CATIP: variants seen among roughly 807,000 people sequenced by gnomAD.
CATIP encodes the protein ciliogenesis associated TTC17 interacting protein.
In CATIP, 40 loss-of-function variants were observed where a neutral mutation model predicts 42.5. The ratio of observed to expected loss-of-function variants is 0.94; its 90% CI spans 0.73 to 1.22. The LOEUF is 1.22. Among genes scored for constraint, CATIP ranks in the 50% most tolerant of loss-of-function variants. The pLI, the probability that CATIP is intolerant of heterozygous loss-of-function variation, is 0.00. For synonymous variants in CATIP, 222 were observed against 200.2 expected (o/e 1.11, Z -0.92); for missense variants, 489 against 496.0 (o/e 0.99, Z 0.13).
Position 218,367,064 on chromosome 2 carries a change from T to C in CATIP, c.796T>C (p.Cys266Arg). 1.2e-6 allele frequency: 2 copies of C among 1,613,854 alleles called. No homozygotes were observed. Among genetic ancestry groups the C allele is most frequent in the Non-Finnish European group, 1.7e-6 (2 of 1,179,790 alleles). ...AATACAGGTGGGCTCCCCAGGGTGC[T>C]GCATCATCACCAAGATGCCCATCTT... ...KRIQVGSPGC[C>R]IITKMPILRE... Residue 266 changes from cysteine to arginine, a missense_variant, in exon 8 of 10, where the codon TGC becomes CGC. By Grantham distance (180) the Cys-to-Arg change is radical. Coordinates refer to ENST00000289388, the MANE Select transcript of CATIP (RefSeq NM_198559.2).
At position 218,367,038 on chromosome 2, in the gene CATIP, G is replaced by A. The variant is rs1207478308; in HGVS notation, c.770G>A (p.Arg257Lys). 6.2e-7 allele frequency: 1 copy of A among 1,613,856 alleles called. No individual in the cohort carries two copies. ...TTGCACTCCAGGCACCTGGCCAAGA[G>A]AATACAGGTGGGCTCCCCAGGGTGC... ...YLLSDGHLAK[R>K]IQVGSPGCCI... Residue 257 changes from arginine to lysine, a missense_variant, in exon 8 of 10, where the codon AGA becomes AAA. Physicochemically the swap from Arg to Lys is conservative, Grantham distance 26. Transcript: ENST00000289388.
intron 6 of CATIP, among the ~76,000 whole-genome samples, chr2:218,363,365 A>T (rs955861122): frequency 1.3e-5 from 2 of 151,468 alleles, no homozygotes; most frequent in Non-Finnish European, 2.9e-5. Flanking sequence ...AGGCGCCTGT[A>T]GTCCCAGCTA....
chr2:218,367,246 C>T (rs1056898320), intron 8 of CATIP, 146 bp downstream of exon 8: 1 of 770,426 alleles, frequency 1.3e-6, no homozygotes, highest in Non-Finnish European at 2.1e-6. Context: ...GCCCTCCAGC[C>T]CCTGACCCCA....
At chr2:218,363,862 T>C (rs1043963265) in intron 6 of CATIP, among the ~76,000 whole-genome samples, 2 of 152,216 alleles carry the variant, frequency 1.3e-5, no homozygotes, top group Non-Finnish European at 2.9e-5. Context: ...AAGTGTAACA[T>C]GTCCAACTTT....
rs137894462 is a variant in CATIP at position 218,357,703 on chromosome 2, G to A, written c.288G>A (p.Leu96=). Reference sequence around the variant, plus strand: ...TGCATGCCTCTAGCCGAGGCTTCTTGGACAAAATGCTCTGCGGAAATTCCC... The same window carrying A: ...TGCATGCCTCTAGCCGAGGCTTCTTAGACAAAATGCTCTGCGGAAATTCCC... ...LFVHASSRGF[L]DKMLCGNSLL... The change falls in exon 3 of 10, where the codon TTG becomes TTA. Residue 96 remains leucine, a synonymous_variant. Coordinates refer to ENST00000289388, the MANE Select transcript of CATIP (RefSeq NM_198559.2). The A allele has an allele frequency of 3.6e-5, 58 of 1,613,824 alleles. No homozygotes were observed. The African/African-American group carries it at 6.1e-4, about 17-fold the overall frequency.
At chr2:218,361,315 A>G (rs544831885) in intron 5 of CATIP, among the ~76,000 whole-genome samples, 7 of 151,802 alleles carry the variant, frequency 4.6e-5, no homozygotes, top group Non-Finnish European at 7.4e-5. Flanking sequence ...TGGAGCTTGC[A>G]CTAAGCTGAG....
intron 6 of CATIP, among the ~76,000 whole-genome samples, chr2:218,363,689 C>T (rs1174140431): frequency 6.6e-6 from 1 of 151,736 alleles, no homozygotes; most frequent in African/African-American, 2.4e-5. Context: ...GCCTGTAATC[C>T]CAGCTACTCG....
At chr2:218,361,874 G>A (rs990147498) in intron 5 of CATIP, among the ~76,000 whole-genome samples, 2 of 152,148 alleles carry the variant, frequency 1.3e-5, no homozygotes, top group African/African-American at 4.8e-5. Context: ...CAGGAGTCCA[G>A]ACTAACGATT....
Position 218,367,526 on chromosome 2 carries a change from G to A in CATIP, c.921+8G>A, listed in dbSNP as rs952677768. The A allele has an allele frequency of 9.3e-6, 15 of 1,613,808 alleles. No individual in the cohort carries two copies. The highest frequency in any genetic ancestry group is 1.3e-5 in the Non-Finnish European group (15 of 1,179,794). On this transcript the variant is annotated splice_region_variant and intron_variant, in intron 9 of 9. Coordinates refer to ENST00000289388, the MANE Select transcript of CATIP (RefSeq NM_198559.2). ...AAGTTCCTGGACCGGAAGGTGAGGGGAGGCTCCACCAGCCTGGGGTTCCCA... is the reference window on the plus strand; with the variant it reads ...AAGTTCCTGGACCGGAAGGTGAGGGAAGGCTCCACCAGCCTGGGGTTCCCA...
In CATIP at chr2:218,367,315, G is replaced by A. The variant is rs1574746585; in HGVS notation, c.833-115G>A. ...CCCTTCCTGCAACTCTGCCCATGTG[G>A]GCAGAATCCTGGGGTTTCACCTGAG... On this transcript the variant is annotated intron_variant, in intron 8 of 9. Coordinates refer to ENST00000289388, the MANE Select transcript of CATIP (RefSeq NM_198559.2). 2.9e-6 allele frequency: 3 copies of A among 1,023,884 alleles called. No homozygotes were observed. In the East Asian group the frequency reaches 7.1e-5, roughly 24 times the overall value. 63.4% of individuals were successfully genotyped at this position (1,023,884 alleles called of 1,614,324 possible). A position where few individuals can be genotyped will look rare whatever the true frequency, so the allele number is the denominator to read the frequency against.
chr2:218,357,826 C>T, intron 3 of CATIP, 92 bp downstream of exon 3: 2 of 1,417,252 alleles, frequency 1.4e-6, no homozygotes, highest in Non-Finnish European at 2.0e-6. Flanking sequence ...GGACCAAGCC[C>T]TTGGCTTTGC....
In CATIP at chr2:218,362,888, T is replaced by A; in HGVS notation, c.616T>A (p.Cys206Ser). ...FLTLDTEGKL[C>S]YLTYQNLGFQ... The stretch of plus-strand genomic sequence containing the variant: ...GACCTTGGACACCGAGGGCAAACTC[T>A]GCTATTTGACCTATGTAAGGGGTCC... Residue 206 changes from cysteine (C) to serine (S), a missense_variant, in exon 6 of 10, where the codon TGC becomes AGC. Transcript: ENST00000289388. 6.2e-7 allele frequency: 1 copy of A among 1,613,404 alleles called. No individual in the cohort carries two copies. The highest frequency in any genetic ancestry group is 8.5e-7 in the Non-Finnish European group (1 of 1,179,798).
At chr2:218,360,076 T>A (rs945141170) in intron 4 of CATIP, among the ~76,000 whole-genome samples, 1 of 152,136 alleles carries the variant, frequency 6.6e-6, no homozygotes, top group Non-Finnish European at 1.5e-5. Flanking sequence ...TCTGCCCGCC[T>A]GGGCCTCCCA....
At position 218,367,834 on chromosome 2, in the gene CATIP, C is replaced by T. The variant is rs1249158998; in HGVS notation, c.1034C>T (p.Thr345Ile). 11 of 1,613,036 alleles carry T rather than the reference C, an allele frequency of 6.8e-6. No homozygotes were observed. The highest frequency in any genetic ancestry group is 9.3e-6 in the Non-Finnish European group (11 of 1,179,892). ...LLLRQPEDVVTFAAEFFGPFD... is the reference protein window; with the variant it reads ...LLLRQPEDVVIFAAEFFGPFD... ...CTGCGCCAGCCGGAGGACGTGGTCACCTTCGCCGCCGAGTTCTTCGGCCCC... is the reference window on the plus strand; with the variant it reads ...CTGCGCCAGCCGGAGGACGTGGTCATCTTCGCCGCCGAGTTCTTCGGCCCC... The change falls in exon 10 of 10, where the codon ACC becomes ATC. Residue 345 changes from threonine (T) to isoleucine (I), a missense_variant. By Grantham distance (89) the Thr-to-Ile change is moderately conservative. Coordinates refer to ENST00000289388, the MANE Select transcript of CATIP (RefSeq NM_198559.2).
At chr2:218,362,466 C>T (rs145309994) in intron 5 of CATIP, among the ~76,000 whole-genome samples, 2,773 of 152,060 alleles carry the variant, frequency 0.018, 87 homozygotes, top group African/African-American at 0.063. Flanking sequence ...TGGTGAAATC[C>T]GGTCTCTACT....
At chr2:218,367,173 C>A in intron 8 of CATIP, 73 bp downstream of exon 8, 1 of 1,185,866 alleles carries the variant, frequency 8.4e-7, no homozygotes, top group Non-Finnish European at 1.2e-6. Flanking sequence ...TTCCAGGATG[C>A]AGGGGGCTGG....
intron 8 of CATIP, 132 bp downstream of exon 8, chr2:218,367,232 A>G (rs1343399637): frequency 1.6e-5 from 13 of 788,558 alleles, no homozygotes; most frequent in Non-Finnish European, 2.3e-5. Flanking sequence ...GCTGGAGAAC[A>G]TCTGCCCTCC....
rs754818348 is a variant in CATIP at position 218,362,844 on chromosome 2, C to T, written c.572C>T (p.Pro191Leu). ...GTGATGGCCTGGCGGCGGATGGTGC[C>T]CAGCAATGCCCGCTTCCTGACCTTG... ...LRVMAWRRMV[P>L]SNARFLTLDT... Residue 191 changes from proline (P) to leucine (L), a missense_variant, in exon 6 of 10, where the codon CCC becomes CTC. Transcript: ENST00000289388. 1 of 1,614,062 alleles carries T rather than the reference C, an allele frequency of 6.2e-7. No individual in the cohort carries two copies. The highest frequency in any genetic ancestry group is 1.1e-5 in the South Asian group (1 of 91,080).
chr2:218,362,605 C>T (rs1226886303), intron 5 of CATIP, 130 bp from the exon 6 acceptor site: 2 of 830,892 alleles, frequency 2.4e-6, no homozygotes, highest in Non-Finnish European at 3.7e-6. Context: ...GCACTCCAGC[C>T]TGGGTGACAA....
Sources: allele counts gnomAD v4.1 joint callset (sites outside exome capture counted in the v4.1 genomes callset), GRCh38; gene constraint gnomAD v4.1.1; transcripts MANE v1.5; gene names NCBI Gene and HGNC (gene_info 2026-07-23, HGNC 2026-07-21).